The following SAP130 variants were observed in gnomAD, a reference collection of about 807,000 sequenced individuals.
SAP130 encodes the protein histone deacetylase complex subunit SAP130.
Under a neutral mutation model 103.2 loss-of-function variants are expected in SAP130, and 16 were observed. That is an observed-to-expected ratio of 0.16 (90% CI 0.10 to 0.24). The LOEUF (loss-of-function observed/expected upper bound fraction) is 0.24, where lower values mean the gene tolerates loss of function less well. Among genes scored for constraint, SAP130 ranks in the 10% least tolerant of loss-of-function variants. SAP130 has a pLI of 1.00. For synonymous variants in SAP130, 477 were observed against 497.0 expected (o/e 0.96, Z 0.53); for missense variants, 990 against 1,359.7 (o/e 0.73, Z 4.28).
chr2:127,952,244 A>G (rs1380785876), intron 16 of SAP130, among the ~76,000 whole-genome samples: 1 of 152,070 alleles, frequency 6.6e-6, no homozygotes, highest in Non-Finnish European at 1.5e-5. Context: ...TAAGATCAGG[A>G]GTTCGAGACC....
intron 12 of SAP130, among the ~76,000 whole-genome samples, chr2:127,991,019 GGC>G (rs1682759233): frequency 6.6e-6 from 1 of 151,812 alleles, no homozygotes; most frequent in South Asian, 2.1e-4. Flanking sequence ...GGGAGGCCGA[GGC>G]AGGCGATCAT....
chr2:128,014,965 T>C (rs756314753), intron 4 of SAP130, 51 bp from the exon 5 acceptor site: 1 of 1,498,476 alleles, frequency 6.7e-7, no homozygotes, highest in Non-Finnish European at 9.2e-7. Context: ...TCTTAGCCAT[T>C]GCCTCTAGGA....
At chr2:128,000,010 GCCTCCTTTTTCCC>G (rs1422020165) in intron 9 of SAP130, 33 bp downstream of exon 9, 1 of 1,563,018 alleles carries the variant, frequency 6.4e-7, no homozygotes, top group African/African-American at 1.4e-5. Flanking sequence ...CATCACTCTT[GCCTCCTTTTTCCC>G]CAGTAGAAGG....
intron 1 of SAP130, chr2:128,027,341 G>T: frequency 1.1e-6 from 1 of 948,018 alleles, no homozygotes; most frequent in Non-Finnish European, 1.3e-6. Flanking sequence ...TTGGCCCCAC[G>T]CCCGACGCGT....
At chr2:127,957,099 G>A (rs1350288527) in intron 15 of SAP130, among the ~76,000 whole-genome samples, 1 of 152,132 alleles carries the variant, frequency 6.6e-6, no homozygotes, top group Non-Finnish European at 1.5e-5. Flanking sequence ...CCAGGAGATC[G>A]AGACCAGCCT....
intron 2 of SAP130, among the ~76,000 whole-genome samples, chr2:128,019,119 GAT>G (rs1684982300): frequency 6.6e-6 from 1 of 151,676 alleles, no homozygotes. Context: ...AAAAAAAAAA[GAT>G]ATTTTAAGTA....
At chr2:127,984,356 C>T (rs943704792) in intron 14 of SAP130, among the ~76,000 whole-genome samples, 14 of 152,324 alleles carry the variant, frequency 9.2e-5, no homozygotes, top group South Asian at 2.1e-4. Context: ...TCTACATCTT[C>T]CAAGGTGCTT....
In SAP130 at chr2:127,942,380, A is replaced by T. The variant is rs1010671652; in HGVS notation, c.3015+44T>A. ...GAGAAGTAGGGCTTTACAGAAAGCAACTTCATAAAGTAGATGATCAGAAGG... is the reference window on the plus strand; with the variant it reads ...GAGAAGTAGGGCTTTACAGAAAGCATCTTCATAAAGTAGATGATCAGAAGG... On this transcript the variant is annotated intron_variant, in intron 20 of 20. Transcript: ENST00000643581. The surrounding 1 kb of genome is among the most constrained non-coding windows in gnomAD (Gnocchi z 4.8). 1.4e-6 allele frequency: 2 copies of T among 1,412,206 alleles called. No homozygotes were observed. The highest frequency in any genetic ancestry group is 1.7e-5 in the Admixed American group (1 of 59,200). The allele number at this position is 1,412,206 out of a possible 1,614,324, so 87.5% of individuals were successfully genotyped here.
intron 2 of SAP130, among the ~76,000 whole-genome samples, chr2:128,021,610 T>G (rs972115519): frequency 3.3e-5 from 5 of 152,186 alleles, no homozygotes; most frequent in Admixed American, 1.3e-4. Context: ...CCACCACTGG[T>G]TTACAAGAAA....
intron 15 of SAP130, among the ~76,000 whole-genome samples, chr2:127,968,050 T>C (rs995919233): frequency 1.3e-5 from 2 of 151,786 alleles, no homozygotes; most frequent in African/African-American, 4.8e-5. Context: ...GTTTTGAACA[T>C]ATGCAGAACA....
chr2:127,981,236 C>CA lies in SAP130; in HGVS notation c.1959-3148dup, dbSNP rs557352568. ...TGTTCACCTCGCACAACAAAGCTGG[C>CA]AAAAAACATCTCCAGGATGCGGGTA... On this transcript the variant is annotated intron_variant, in intron 14 of 20. Transcript: ENST00000643581. Among the ~76,000 whole-genome samples the CA allele has an allele frequency of 4.4e-3, 673 of 151,868 alleles. 6 individuals carry two copies. Among genetic ancestry groups the CA allele is most frequent in the African/African-American group, 0.015 (631 of 41,364 alleles).
At chr2:127,951,715 C>G (rs1428207678) in intron 16 of SAP130, among the ~76,000 whole-genome samples, 2 of 152,176 alleles carry the variant, frequency 1.3e-5, no homozygotes, top group Non-Finnish European at 2.9e-5. Flanking sequence ...CCAGTCTGCA[C>G]CTACGCAACT....
At chr2:128,026,900 C>G (rs967428277) in intron 1 of SAP130, among the ~76,000 whole-genome samples, 2 of 152,198 alleles carry the variant, frequency 1.3e-5, no homozygotes, top group African/African-American at 2.4e-5. Context: ...CTAAAATCGC[C>G]CCCCACTTTT....
chr2:128,013,633 C>A (rs1684557015), intron 5 of SAP130, among the ~76,000 whole-genome samples: 1 of 152,202 alleles, frequency 6.6e-6, no homozygotes, highest in South Asian at 2.1e-4. Flanking sequence ...TATGCTATAA[C>A]CAAGCAAACC....
intron 13 of SAP130, among the ~76,000 whole-genome samples, chr2:127,988,606 TTG>T (rs1682565672): frequency 6.6e-6 from 1 of 151,798 alleles, no homozygotes; most frequent in Non-Finnish European, 1.5e-5. Context: ...TCCCAGCACT[TTG>T]TGAGGCCAAA....
intron 10 of SAP130, among the ~76,000 whole-genome samples, chr2:127,998,550 A>C (rs2105074154): frequency 6.6e-6 from 1 of 152,352 alleles, no homozygotes; most frequent in East Asian, 1.9e-4. Flanking sequence ...TACCTTTCTT[A>C]GAGAGATCCT....
rs550851271 is a variant in SAP130, at chr2:127,945,569, T to TA, written c.2798-11dup. 2.3e-3 allele frequency: 3,499 copies of TA among 1,497,160 alleles called. 5 individuals are homozygous for TA. Among genetic ancestry groups the TA allele is most frequent in the Non-Finnish European group, 2.8e-3 (3,058 of 1,073,950 alleles). 92.7% of individuals were successfully genotyped at this position (1,497,160 alleles called of 1,614,324 possible). A position where few individuals can be genotyped will look rare whatever the true frequency, so the allele number is the denominator to read the frequency against. ...ATAGCTTTCTTCTCCTCTGGAACCA[T>TA]AAAAAATAAAAATACATGTATTTCA... On this transcript the variant is annotated splice_polypyrimidine_tract_variant and intron_variant, in intron 18 of 20. Coordinates refer to ENST00000643581, the MANE Select transcript of SAP130 (RefSeq NM_001330301.2).
chr2:128,013,845 G>A (rs532288348), intron 5 of SAP130, among the ~76,000 whole-genome samples: 3 of 152,306 alleles, frequency 2.0e-5, no homozygotes, highest in Admixed American at 6.5e-5. Context: ...TGGGAAGATC[G>A]CTTGTGCCCC....
At chr2:128,027,257 C>T in intron 1 of SAP130, 3 of 1,180,212 alleles carry the variant, frequency 2.5e-6, no homozygotes, top group Non-Finnish European at 3.1e-6. Flanking sequence ...GCCCCACTCA[C>T]CCCCGCCACC....
Sources: allele counts gnomAD v4.1 joint callset (sites outside exome capture counted in the v4.1 genomes callset), GRCh38; gene constraint gnomAD v4.1.1; non-coding constraint Gnocchi (gnomAD v3.1); transcripts MANE v1.5; gene names NCBI Gene and HGNC (gene_info 2026-07-23, HGNC 2026-07-21).